R3HCC1L: variants seen among roughly 807,000 people sequenced by gnomAD.
R3HCC1L encodes R3H domain and coiled-coil containing 1 like.
R3HCC1L carries 51 observed loss-of-function variants against 59.9 expected under a neutral mutation model. The observed-to-expected ratio is 0.85, with a 90% CI of 0.68 to 1.07. The LOEUF (loss-of-function observed/expected upper bound fraction) is 1.07. Among genes scored for constraint, R3HCC1L ranks in the 50% least tolerant of loss-of-function variants. The probability of loss-of-function intolerance (pLI) is 0.00; values close to 1 mark genes in which losing one functional copy is unlikely to be tolerated. For missense variants in R3HCC1L, 965 were observed against 933.0 expected (o/e 1.03, Z -0.45); for synonymous variants, 322 against 315.2 (o/e 1.02, Z -0.23).
intron 2 of R3HCC1L, among the ~76,000 whole-genome samples, chr10:98,160,220 T>C (rs1409253575): frequency 6.6e-6 from 1 of 152,204 alleles, no homozygotes; most frequent in Non-Finnish European, 1.5e-5. Context: ...CAATGTTTGT[T>C]TATAGTGTTT....
At chr10:98,166,661 C>T (rs1044160188) in intron 4 of R3HCC1L, among the ~76,000 whole-genome samples, 2 of 152,078 alleles carry the variant, frequency 1.3e-5, no homozygotes, top group East Asian at 1.9e-4. Context: ...CATATATTCC[C>T]TTAAAACAAC....
chr10:98,169,141 T>C (rs924775185), intron 4 of R3HCC1L, among the ~76,000 whole-genome samples: 5 of 152,196 alleles, frequency 3.3e-5, no homozygotes, highest in African/African-American at 9.7e-5. Context: ...TTCATTCTTA[T>C]CTTACTTGGT....
intron 1 of R3HCC1L, among the ~76,000 whole-genome samples, chr10:98,152,595 G>A (rs1846320358): frequency 7.9e-6 from 1 of 126,710 alleles, no homozygotes; most frequent in African/African-American, 2.6e-5. Flanking sequence ...GAGCGTCTCT[G>A]CCCAGCCGCC....
intron 1 of R3HCC1L, among the ~76,000 whole-genome samples, chr10:98,150,809 C>G (rs1308173100): frequency 6.6e-6 from 1 of 152,126 alleles, no homozygotes; most frequent in Non-Finnish European, 1.5e-5. Flanking sequence ...AGTAGTCCCC[C>G]CTCCCCTCTT....
chr10:98,148,509 A>C (rs1459221173), intron 1 of R3HCC1L, among the ~76,000 whole-genome samples: 1 of 152,126 alleles, frequency 6.6e-6, no homozygotes, highest in South Asian at 2.1e-4. Context: ...TCAGTGTGGT[A>C]TTAGCTGTGG....
intron 4 of R3HCC1L, among the ~76,000 whole-genome samples, chr10:98,193,109 G>A (rs1188353817): frequency 6.6e-6 from 1 of 151,802 alleles, no homozygotes; most frequent in African/African-American, 2.4e-5. Context: ...AACAACCTAG[G>A]AATAGAAGGA....
At chr10:98,232,915 G>C (rs1856545554) in intron 6 of R3HCC1L, among the ~76,000 whole-genome samples, 1 of 152,160 alleles carries the variant, frequency 6.6e-6, no homozygotes, top group Non-Finnish European at 1.5e-5. Flanking sequence ...TGTTTAATCA[G>C]TTAAACTTAA....
intron 4 of R3HCC1L, among the ~76,000 whole-genome samples, chr10:98,207,675 A>G (rs1298557859): frequency 6.6e-6 from 1 of 152,068 alleles, no homozygotes; most frequent in Non-Finnish European, 1.5e-5. Context: ...ATGTGTATGT[A>G]TATTTATGTT....
intron 4 of R3HCC1L, among the ~76,000 whole-genome samples, chr10:98,189,541 T>A (rs771702725): frequency 6.6e-6 from 1 of 152,192 alleles, no homozygotes; most frequent in African/African-American, 2.4e-5. Flanking sequence ...AGTAATTTCT[T>A]TCACTATAGA....
chr10:98,144,840 G>A (rs1845507549), intron 1 of R3HCC1L, among the ~76,000 whole-genome samples: 1 of 152,298 alleles, frequency 6.6e-6, no homozygotes, highest in Middle Eastern at 3.4e-3. Context: ...GCCTAATGGA[G>A]GAGAAGGATC....
chr10:98,193,510 G>A (rs1395352167), intron 4 of R3HCC1L, among the ~76,000 whole-genome samples: 1 of 152,082 alleles, frequency 6.6e-6, no homozygotes, highest in Non-Finnish European at 1.5e-5. Flanking sequence ...CTCATTTACA[G>A]TAACATCACA....
At chr10:98,153,429 T>C (rs906805604) in intron 1 of R3HCC1L, among the ~76,000 whole-genome samples, 6 of 151,286 alleles carry the variant, frequency 4.0e-5, no homozygotes, top group Admixed American at 1.3e-4. Context: ...CGTTAAAGAG[T>C]CATCACCACT....
chr10:98,215,596 A>T (rs1041536651), intron 5 of R3HCC1L, among the ~76,000 whole-genome samples: 1 of 152,214 alleles, frequency 6.6e-6, no homozygotes, highest in African/African-American at 2.4e-5. Flanking sequence ...AGCATTTCTT[A>T]AAAGAATACA....
intron 4 of R3HCC1L, among the ~76,000 whole-genome samples, chr10:98,168,361 C>T (rs1013429786): frequency 8.5e-5 from 13 of 152,116 alleles, no homozygotes; most frequent in African/African-American, 1.2e-4. Context: ...GACTAAGCTG[C>T]GGACTGTTTC....
chr10:98,162,666 G>A (rs185161969), intron 2 of R3HCC1L, among the ~76,000 whole-genome samples: 22 of 150,248 alleles, frequency 1.5e-4, no homozygotes, highest in Admixed American at 1.1e-3. Flanking sequence ...GTTCGTGTGT[G>A]TGTGTTTGTG....
At chr10:98,179,207 A>C (rs976052548) in intron 4 of R3HCC1L, among the ~76,000 whole-genome samples, 1 of 152,170 alleles carries the variant, frequency 6.6e-6, no homozygotes, top group Non-Finnish European at 1.5e-5. Context: ...GTTTGTCATA[A>C]ATAGCTCTCA....
rs1847591393 is a variant in R3HCC1L, at chr10:98,162,973, C to G, written c.-122C>G. ...TCGGCTTCCCAAAGTGCTGGGATTA[C>G]AGGTATGAGCCACCACGCCTGGCCT... On this transcript the variant is annotated splice_region_variant and 5_prime_UTR_variant, in exon 3 of 10. Coordinates refer to ENST00000298999, the MANE Select transcript of R3HCC1L (RefSeq NM_001351015.2). 1 of 153,104 alleles carries G rather than the reference C, an allele frequency of 6.5e-6. No homozygotes were observed. Among genetic ancestry groups the G allele is most frequent in the South Asian group, 2.1e-4 (1 of 4,844 alleles). The allele number at this position is 153,104 out of a possible 1,614,324, so 9.5% of individuals were successfully genotyped here.
intron 1 of R3HCC1L, among the ~76,000 whole-genome samples, chr10:98,137,013 A>G (rs1303348506): frequency 6.6e-6 from 1 of 152,144 alleles, no homozygotes; most frequent in Non-Finnish European, 1.5e-5. Context: ...GGTCGAGACC[A>G]TCCTGGCCAA....
At chr10:98,163,512 A>C (rs1847644692) in intron 4 of R3HCC1L, 115 bp downstream of exon 4, 4 of 648,930 alleles carry the variant, frequency 6.2e-6, no homozygotes, top group Non-Finnish European at 9.3e-6. Context: ...CTGTCATGTA[A>C]AACAAGTTTG....
Sources: gnomAD v4.1 joint callset for allele counts (sites outside exome capture counted in the v4.1 genomes callset) on GRCh38, gnomAD v4.1.1 for gene constraint, MANE v1.5 for transcripts, NCBI Gene and HGNC (gene_info 2026-07-23, HGNC 2026-07-21) for gene names.